The following LRRN3 variants were observed in gnomAD, a reference collection of about 807,000 sequenced individuals.
LRRN3 encodes leucine-rich repeat neuronal protein 3.
In LRRN3, 15 loss-of-function variants were observed where a neutral mutation model predicts 40.1. That is an observed-to-expected ratio of 0.37 (90% confidence interval 0.25 to 0.58). The LOEUF (loss-of-function observed/expected upper bound fraction) is 0.58. Among genes scored for constraint, LRRN3 ranks in the 20% least tolerant of loss-of-function variants. The probability of loss-of-function intolerance (pLI) is 0.72; values close to 1 mark genes in which losing one functional copy is unlikely to be tolerated. For synonymous variants in LRRN3, 308 were observed against 297.2 expected, an observed-to-expected ratio of 1.04 and a Z score of -0.37; for missense variants, 746 against 837.7, an observed-to-expected ratio of 0.89 and a Z score of 1.35.
chr7:111,116,383 T>C (rs1169806664), intron 2 of LRRN3, among the ~76,000 whole-genome samples: 1 of 152,164 alleles, frequency 6.6e-6, no homozygotes, highest in African/African-American at 2.4e-5. Flanking sequence ...TCTCAAAATA[T>C]CAGATTTGAG....
chr7:111,097,734 A>G (rs1245000692), intron 1 of LRRN3, among the ~76,000 whole-genome samples: 4 of 151,862 alleles, frequency 2.6e-5, no homozygotes. Flanking sequence ...TTCTATTTTT[A>G]TCAAAACTCA....
chr7:111,112,092 C>T (rs192743656), intron 2 of LRRN3, among the ~76,000 whole-genome samples: 143 of 151,318 alleles, frequency 9.5e-4, no homozygotes, highest in African/African-American at 3.3e-3. Flanking sequence ...GGTTTACAGG[C>T]GCATGCCACC....
Position 111,124,494 on chromosome 7 carries a change from T to C in LRRN3, c.1722T>C (p.Asp574=), listed in dbSNP as rs1320690661. ...CGCAAAGTGCTCGAATACCATCTGA[T>C]GTCAAGGTATATAATCTTACTCATC... ...HAAQSARIPS[D]VKVYNLTHLN... is the part of the protein sequence containing the mutation. Residue 574 remains aspartate (D), a synonymous_variant, in exon 3 of 3, where the codon GAT becomes GAC. Coordinates refer to ENST00000308478, the MANE Select transcript of LRRN3 (RefSeq NM_001099658.2). 6.2e-7 allele frequency: 1 copy of C among 1,613,840 alleles called. No homozygotes were observed. Among genetic ancestry groups the C allele is most frequent in the African/African-American group, 1.3e-5 (1 of 74,934 alleles).
At chr7:111,108,719 C>T (rs1798830790) in intron 2 of LRRN3, among the ~76,000 whole-genome samples, 1 of 152,062 alleles carries the variant, frequency 6.6e-6, no homozygotes, top group Admixed American at 6.6e-5. Context: ...TTCTGTTTGC[C>T]AAGCTTACAT....
At chr7:111,094,149 AT>A (rs1179771697) in intron 1 of LRRN3, among the ~76,000 whole-genome samples, 1 of 152,030 alleles carries the variant, frequency 6.6e-6, no homozygotes. Context: ...CCGAATCTGA[AT>A]TTTTTTGGGG....
Position 111,124,318 on chromosome 7 carries a change from T to G in LRRN3, c.1546T>G (p.Ser516Ala). 1.2e-6 allele frequency: 2 copies of G among 1,613,828 alleles called. No individual in the cohort carries two copies. The change falls in exon 3 of 3, where the codon TCT becomes GCT. Residue 516 changes from serine to alanine, a missense_variant. Transcript: ENST00000308478. ...LKSVMIKVDG[S>A]FPQDNNGSLN... ...GTCTGTTATGATCAAAGTGGATGGA[T>G]CTTTTCCACAAGATAACAATGGCTC...
At chr7:111,112,002 C>A (rs535135916) in intron 2 of LRRN3, among the ~76,000 whole-genome samples, 3 of 123,320 alleles carry the variant, frequency 2.4e-5, no homozygotes, top group South Asian at 2.6e-4. Context: ...GGCTGGAGTG[C>A]AGTGGTGCGA....
chr7:111,097,673 C>T (rs1422464149), intron 1 of LRRN3, among the ~76,000 whole-genome samples: 2 of 151,850 alleles, frequency 1.3e-5, no homozygotes, highest in African/African-American at 2.4e-5. Context: ...TACTGTATCG[C>T]TATATTTATA....
intron 2 of LRRN3, among the ~76,000 whole-genome samples, chr7:111,104,969 G>A (rs891005754): frequency 2.0e-5 from 3 of 151,624 alleles, no homozygotes; most frequent in Admixed American, 6.6e-5. Flanking sequence ...TATAATGGCT[G>A]TTACAAGTGA....
intron 2 of LRRN3, among the ~76,000 whole-genome samples, chr7:111,102,018 G>C (rs950016678): frequency 2.0e-5 from 3 of 151,080 alleles, no homozygotes; most frequent in African/African-American, 4.9e-5. Flanking sequence ...ACTCAAATGA[G>C]GGCCATGCAG....
intron 2 of LRRN3, among the ~76,000 whole-genome samples, chr7:111,112,204 T>A (rs1799317984): frequency 6.6e-6 from 1 of 152,034 alleles, no homozygotes; most frequent in Non-Finnish European, 1.5e-5. Flanking sequence ...CTCAGGTATA[T>A]CCGCCTGACT....
intron 2 of LRRN3, among the ~76,000 whole-genome samples, chr7:111,106,880 G>T (rs939784412): frequency 1.3e-5 from 2 of 151,488 alleles, no homozygotes; most frequent in South Asian, 4.2e-4. Context: ...GCTTTGTTTA[G>T]AAGAGTAAAG....
At chr7:111,120,217 C>T (rs924665798) in intron 2 of LRRN3, among the ~76,000 whole-genome samples, 2 of 152,080 alleles carry the variant, frequency 1.3e-5, no homozygotes, top group Admixed American at 1.3e-4. Flanking sequence ...TTAATCCGTT[C>T]TCATGCTGCT....
intron 1 of LRRN3, among the ~76,000 whole-genome samples, chr7:111,097,614 CATGT>C (rs1797540752): frequency 6.6e-6 from 1 of 151,750 alleles, no homozygotes; most frequent in African/African-American, 2.4e-5. Context: ...TAAAAATAGA[CATGT>C]ATTTTTCAAA....
chr7:111,092,722 G>C (rs866798537), intron 1 of LRRN3, among the ~76,000 whole-genome samples: 4 of 152,146 alleles, frequency 2.6e-5, no homozygotes, highest in Non-Finnish European at 5.9e-5. Flanking sequence ...CTTGTAAAGG[G>C]AAGCCAGCTA....
intron 1 of LRRN3, among the ~76,000 whole-genome samples, chr7:111,092,825 A>G (rs1797005059): frequency 6.6e-6 from 1 of 152,224 alleles, no homozygotes; most frequent in African/African-American, 2.4e-5. Context: ...AGACAGTAAA[A>G]GAAACCTAGC....
intron 2 of LRRN3, among the ~76,000 whole-genome samples, chr7:111,114,611 CT>C (rs1342088401): frequency 1.3e-5 from 2 of 151,648 alleles, no homozygotes; most frequent in African/African-American, 4.8e-5. Context: ...TGGCAGGTGC[CT>C]GTAATCCCAG....
At chr7:111,099,114 C>T (rs28657599) in intron 1 of LRRN3, among the ~76,000 whole-genome samples, 4,473 of 151,688 alleles carry the variant, frequency 0.029, 223 homozygotes, top group African/African-American at 0.1. Context: ...TTATAACTTC[C>T]TCTATCATCA....
In LRRN3 at chr7:111,091,447, G is replaced by T. The variant is rs1435257558; in HGVS notation, c.-498G>T. 1 of 152,194 alleles carries T rather than the reference G, an allele frequency of 6.6e-6. No homozygotes were observed. Among genetic ancestry groups the T allele is most frequent in the Non-Finnish European group, 1.5e-5 (1 of 68,036 alleles). 9.4% of individuals were successfully genotyped at this position (152,194 alleles called of 1,614,324 possible). ...ATGTGATTATCTCAACCAAGGAACT[G>T]AGGAATCCAGCACGCAAGGACATCG... is the stretch of plus-strand genomic sequence containing the variant. On this transcript the variant is annotated 5_prime_UTR_variant, in exon 1 of 3. Transcript: ENST00000308478.
Sources: gnomAD v4.1 joint callset for allele counts (sites outside exome capture counted in the v4.1 genomes callset) on GRCh38, gnomAD v4.1.1 for gene constraint, MANE v1.5 for transcripts, NCBI Gene and HGNC (gene_info 2026-07-23, HGNC 2026-07-21) for gene names.